SLCO2B1: variants seen among roughly 807,000 people sequenced by gnomAD.
SLCO2B1 encodes solute carrier organic anion transporter family member 2B1.
SLCO2B1 carries 41 observed loss-of-function variants against 67.3 expected under a neutral mutation model. That is an observed-to-expected ratio of 0.61 (90% CI 0.47 to 0.79). SLCO2B1 has a LOEUF of 0.79. Among genes scored for constraint, SLCO2B1 ranks in the 30% least tolerant of loss-of-function variants. The probability of loss-of-function intolerance (pLI) is 0.00; values close to 1 mark genes in which losing one functional copy is unlikely to be tolerated. For missense variants in SLCO2B1, 837 were observed against 920.1 expected (o/e 0.91, Z 1.17); for synonymous variants, 379 against 381.4 (o/e 0.99, Z 0.07).
chr11:75,193,186 G>C lies in SLCO2B1; in HGVS notation c.1076-32G>C. 1 of 1,545,874 alleles carries C rather than the reference G, an allele frequency of 6.5e-7. No individual in the cohort carries two copies. The highest frequency in any genetic ancestry group is 8.8e-7 in the Non-Finnish European group (1 of 1,134,336). ...CTCTGCTGGACAGCTTGGCTGCCCT[G>C]CCTGCCCTGACCTCTGCACTCGCCC... On this transcript the variant is annotated intron_variant, in intron 8 of 13. Transcript: ENST00000289575. This position sits in a 1 kb window ranked among gnomAD's most constrained non-coding sequence, Gnocchi z 4.2.
rs1949684879 is a variant in SLCO2B1 at position 75,151,319 on chromosome 11, C to T, written c.-63C>T. The T allele has an allele frequency of 1.9e-6, 3 of 1,538,846 alleles. No homozygotes were observed. Among genetic ancestry groups the T allele is most frequent in the Non-Finnish European group, 2.7e-6 (3 of 1,118,924 alleles). ...CCCCTGAGAAGATTTGCTTCCTCTC[C>T]CCTGCTAAGCTCCAGGTCCTGAGAT... On this transcript the variant is annotated 5_prime_UTR_variant, in exon 1 of 14. Transcript: ENST00000289575.
Position 75,193,090 on chromosome 11 carries a change from A to G in SLCO2B1, c.1076-128A>G. 1 of 675,418 alleles carries G rather than the reference A, an allele frequency of 1.5e-6. No homozygotes were observed. Among genetic ancestry groups the G allele is most frequent in the South Asian group, 2.1e-5 (1 of 47,358 alleles). The allele number at this position is 675,418 out of a possible 1,614,324, so 41.8% of individuals were successfully genotyped here. A position where few individuals can be genotyped will look rare whatever the true frequency, so the allele number is the denominator to read the frequency against. On this transcript the variant is annotated intron_variant, in intron 8 of 13. Coordinates refer to ENST00000289575, the MANE Select transcript of SLCO2B1 (RefSeq NM_007256.5). The surrounding 1 kb of genome is among the most constrained non-coding windows in gnomAD (Gnocchi z 4.2). ...GTCAAGTGGGATAAAATTGATTGCA[A>G]TAGAATTAAGTGGAATGGGGCGGGT...
At chr11:75,192,752 A>T (rs1358146543) in intron 8 of SLCO2B1, among the ~76,000 whole-genome samples, 2 of 152,218 alleles carry the variant, frequency 1.3e-5, no homozygotes, top group Non-Finnish European at 2.9e-5. Flanking sequence ...TTCAAAAATG[A>T]ACTGGAACAA....
intron 8 of SLCO2B1, among the ~76,000 whole-genome samples, chr11:75,189,725 C>T (rs1410660482): frequency 6.6e-6 from 1 of 151,930 alleles, no homozygotes; most frequent in South Asian, 2.1e-4. Flanking sequence ...GGCAGGAGGA[C>T]CTCTTGAGCC....
At chr11:75,199,159 G>A (rs185882414) in intron 10 of SLCO2B1, among the ~76,000 whole-genome samples, 1 of 152,248 alleles carries the variant, frequency 6.6e-6, no homozygotes, top group East Asian at 1.9e-4. Flanking sequence ...TTTTCCTGCA[G>A]TGTAAGATGA....
intron 3 of SLCO2B1, 50 bp downstream of exon 3, chr11:75,164,150 C>G: frequency 6.4e-7 from 1 of 1,566,862 alleles, no homozygotes; most frequent in Non-Finnish European, 8.7e-7. Context: ...AGGCTTGCAC[C>G]GCACCTTCCA....
chr11:75,166,110 C>A (rs1021849960), intron 4 of SLCO2B1, among the ~76,000 whole-genome samples, 161 bp downstream of exon 4: 7 of 152,178 alleles, frequency 4.6e-5, no homozygotes, highest in Admixed American at 1.3e-4. Context: ...CAGGCCCCAG[C>A]CCAGGTGGGT....
intron 9 of SLCO2B1, among the ~76,000 whole-genome samples, chr11:75,194,721 CA>C (rs1469905735): frequency 6.6e-6 from 1 of 152,188 alleles, no homozygotes; most frequent in Non-Finnish European, 1.5e-5. Flanking sequence ...GGTCCTCAAT[CA>C]AATGATTTTT....
rs575735178 is a variant in SLCO2B1, at chr11:75,178,103, A to C, written c.972+5534A>C. Among the ~76,000 whole-genome samples the C allele has an allele frequency of 2.7e-3, 410 of 150,548 alleles. 6 individuals carry two copies. Among genetic ancestry groups the C allele is most frequent in the African/African-American group, 9.2e-3 (369 of 40,076 alleles). ...AGCAAGATTCCATCTCAAAAAAAAAAAAAAAACAAAAAACAAAACTCCAAA... is the reference window on the plus strand; with the variant it reads ...AGCAAGATTCCATCTCAAAAAAAAACAAAAAACAAAAAACAAAACTCCAAA... On this transcript the variant is annotated intron_variant, in intron 7 of 13. Coordinates refer to ENST00000289575, the MANE Select transcript of SLCO2B1 (RefSeq NM_007256.5).
chr11:75,184,266 T>C (rs1398031642), intron 7 of SLCO2B1, among the ~76,000 whole-genome samples: 1 of 151,926 alleles, frequency 6.6e-6, no homozygotes, highest in African/African-American at 2.4e-5. Flanking sequence ...GGCACAAGAG[T>C]TTGAACAGAA....
rs781665921 is a variant in SLCO2B1 at position 75,202,976 on chromosome 11, T to A, written c.1828+11T>A. The A allele has an allele frequency of 6.2e-7, 1 of 1,612,790 alleles. No homozygotes were observed. The highest frequency in any genetic ancestry group is 8.5e-7 in the Non-Finnish European group (1 of 1,179,030). ...TCCTGAGGATTTTGGGTAAAGATCTTGCTTGGGACCATTGGTGGTGGTGAT... is the reference window on the plus strand; with the variant it reads ...TCCTGAGGATTTTGGGTAAAGATCTAGCTTGGGACCATTGGTGGTGGTGAT... On this transcript the variant is annotated intron_variant, in intron 12 of 13. Transcript: ENST00000289575.
In SLCO2B1 at chr11:75,193,515, T is replaced by C. The variant is rs1220692334; in HGVS notation, c.1373T>C (p.Leu458Pro). The C allele has an allele frequency of 8.8e-6, 14 of 1,596,452 alleles. No individual in the cohort carries two copies. Among genetic ancestry groups the C allele is most frequent in the Admixed American group, 1.7e-5 (1 of 58,838 alleles). ...LGMLLCLFFS[L>P]PLFFIGCSSH... ...ATGCTGCTGTGCCTCTTCTTCAGCC[T>C]GCCGCTCTTCTTTATCGGCTGCTCC... The change falls in exon 9 of 14, where the codon CTG (leucine) becomes CCG (proline). Residue 458 changes from leucine (L) to proline (P), a missense_variant. By Grantham distance (98) the Leu-to-Pro change is moderately conservative. Coordinates refer to ENST00000289575, the MANE Select transcript of SLCO2B1 (RefSeq NM_007256.5). This position sits in a 1 kb window ranked among gnomAD's most constrained non-coding sequence, Gnocchi z 4.2.
chr11:75,159,736 C>T (rs556092916), intron 1 of SLCO2B1: 385 of 540,380 alleles, frequency 7.1e-4, no homozygotes, highest in Middle Eastern at 2.8e-3. Flanking sequence ...GCCAGTGCTT[C>T]CCTCCCCTGC....
rs77153365 is a variant in SLCO2B1, at chr11:75,169,543, T to C, written c.683-123T>C. 136 of 1,199,814 alleles carry C rather than the reference T, an allele frequency of 1.1e-4. No homozygotes were observed. In the African/African-American group the frequency reaches 1.9e-3, roughly 17 times the overall value. The allele number at this position is 1,199,814 out of a possible 1,614,324, so 74.3% of individuals were successfully genotyped here. On this transcript the variant is annotated intron_variant, in intron 5 of 13. Transcript: ENST00000289575. Reference sequence around the variant, plus strand: ...GGCCAGTAAAGGTCCAGGGAAGCCCTGGAGAGTTCCCCATCCCTGACCAGG... The same window carrying C: ...GGCCAGTAAAGGTCCAGGGAAGCCCCGGAGAGTTCCCCATCCCTGACCAGG...
rs959579606 is a variant in SLCO2B1, at chr11:75,205,261, G to C, written c.*681G>C. 34 of 152,328 alleles carry C rather than the reference G, an allele frequency of 2.2e-4. No homozygotes were observed. Among genetic ancestry groups the C allele is most frequent in the African/African-American group, 7.7e-4 (32 of 41,464 alleles). The allele number at this position is 152,328 out of a possible 1,614,324, so 9.4% of individuals were successfully genotyped here. On this transcript the variant is annotated 3_prime_UTR_variant, in exon 14 of 14. Coordinates refer to ENST00000289575, the MANE Select transcript of SLCO2B1 (RefSeq NM_007256.5). ...GGCCCCAGGAATCCTTAGCTGAAGC[G>C]GGGAGACTCACTCTCCATCTCAGGA... is the stretch of plus-strand genomic sequence containing the variant.
intron 7 of SLCO2B1, among the ~76,000 whole-genome samples, chr11:75,181,827 G>A (rs1171110495): frequency 6.6e-6 from 1 of 152,180 alleles, no homozygotes; most frequent in African/African-American, 2.4e-5. Flanking sequence ...GGGTCACACT[G>A]CAATCCCTGC....
intron 3 of SLCO2B1, 127 bp from the exon 4 acceptor site, chr11:75,165,660 C>A (rs374010667): frequency 4.5e-6 from 5 of 1,110,288 alleles, no homozygotes; most frequent in Middle Eastern, 2.2e-4. Flanking sequence ...GGAGAGGGAC[C>A]CAGATGATTT....
intron 1 of SLCO2B1, among the ~76,000 whole-genome samples, chr11:75,152,141 G>A (rs1565529097): frequency 6.6e-6 from 1 of 152,268 alleles, no homozygotes; most frequent in African/African-American, 2.4e-5. Flanking sequence ...GAATCGCCTT[G>A]TAGCGAGGGC....
chr11:75,186,406 G>A (rs1346104806), intron 7 of SLCO2B1, among the ~76,000 whole-genome samples: 1 of 151,960 alleles, frequency 6.6e-6, no homozygotes, highest in Admixed American at 6.6e-5. Context: ...ACAGGGTTTA[G>A]TCATGTTGGC....
Sources: gnomAD v4.1 joint callset for allele counts (sites outside exome capture counted in the v4.1 genomes callset) on GRCh38, gnomAD v4.1.1 for gene constraint, Gnocchi (gnomAD v3.1) non-coding constraint, MANE v1.5 for transcripts, NCBI Gene and HGNC (gene_info 2026-07-23, HGNC 2026-07-21) for gene names.